ADISSP: variants seen among roughly 807,000 people sequenced by gnomAD.
ADISSP encodes adipose secreted signaling protein.
At chr20:3,765,698 G>A in the ADISSP span, among the ~76,000 whole-genome samples, 3 of 152,156 alleles carry the variant, frequency 2.0e-5, no homozygotes, top group Non-Finnish European at 4.4e-5. Context: ...AGCTCAAGGG[G>A]TGAGGGGGCC....
chr20:3,759,866 G>C, the ADISSP span: 1 of 703,132 alleles, frequency 1.4e-6, no homozygotes, highest in South Asian at 1.7e-5. The surrounding 1 kb of genome is among the most constrained non-coding windows in gnomAD (Gnocchi z 4.6). Flanking sequence ...GGAGTCAGCA[G>C]GGCTCTGCAG....
chr20:3,754,017 G>T, the ADISSP span: 17 of 1,483,254 alleles, frequency 1.1e-5, no homozygotes, highest in Non-Finnish European at 1.6e-5. Flanking sequence ...ACAAGGCGGG[G>T]TTTAAGGCTG....
At chr20:3,760,215 G>T in the ADISSP span, 1 of 845,398 alleles carries the variant, frequency 1.2e-6, no homozygotes, top group Admixed American at 2.0e-5. Context: ...GGAGGGCAGG[G>T]GTCAGGGCCA....
chr20:3,767,029 C>A, the ADISSP span, among the ~76,000 whole-genome samples: 1 of 152,026 alleles, frequency 6.6e-6, no homozygotes, highest in Non-Finnish European at 1.5e-5. Flanking sequence ...GTGTAGGACC[C>A]TTTATCCTCT....
the ADISSP span, among the ~76,000 whole-genome samples, chr20:3,765,434 TTC>T: frequency 6.6e-6 from 1 of 152,202 alleles, no homozygotes; most frequent in African/African-American, 2.4e-5. Context: ...GTTCTTTCAC[TTC>T]TCTGTCCCTG....
the ADISSP span, among the ~76,000 whole-genome samples, chr20:3,760,710 G>C: frequency 2.0e-5 from 3 of 152,160 alleles, no homozygotes; most frequent in African/African-American, 7.2e-5. Context: ...CCTGGTGATC[G>C]GTCAGGGCCA....
chr20:3,753,743 T>C, the ADISSP span: 1 of 429,658 alleles, frequency 2.3e-6, no homozygotes, highest in Non-Finnish European at 4.3e-6. Context: ...TGGGAGTCCC[T>C]GTGGCTTGGG....
the ADISSP span, chr20:3,754,522 G>C: frequency 1.4e-5 from 23 of 1,606,156 alleles, no homozygotes; most frequent in Non-Finnish European, 2.0e-5. Context: ...ACTATAACCT[G>C]CCCGGGGACA....
the ADISSP span, among the ~76,000 whole-genome samples, chr20:3,758,331 G>C: frequency 6.6e-6 from 1 of 152,194 alleles, no homozygotes; most frequent in Non-Finnish European, 1.5e-5. This position sits in a 1 kb window ranked among gnomAD's most constrained non-coding sequence, Gnocchi z 5.5. Context: ...CAGTGGCTCT[G>C]CTCATCTTGA....
the ADISSP span, among the ~76,000 whole-genome samples, chr20:3,755,921 C>T: frequency 6.6e-6 from 1 of 152,180 alleles, no homozygotes; most frequent in Non-Finnish European, 1.5e-5. Context: ...TGGCCAAAGG[C>T]TATGTAGTGT....
chr20:3,758,801 T>C, the ADISSP span: 3 of 905,924 alleles, frequency 3.3e-6, no homozygotes, highest in South Asian at 5.0e-5. The surrounding 1 kb of genome is among the most constrained non-coding windows in gnomAD (Gnocchi z 5.5). Context: ...CTGGGCTCTT[T>C]TCAGGGCTAG....
At chr20:3,754,635 A>G in the ADISSP span, 223 of 1,085,274 alleles carry the variant, frequency 2.1e-4, no homozygotes, top group Non-Finnish European at 3.1e-5. Context: ...AGCCCCCCCA[A>G]GAAAGGGGCA....
At chr20:3,759,975 A>ACG in the ADISSP span, 3 of 74,402 alleles carry the variant, frequency 4.0e-5, no homozygotes, top group Non-Finnish European at 5.3e-5. The surrounding 1 kb of genome is among the most constrained non-coding windows in gnomAD (Gnocchi z 4.6). Flanking sequence ...TCACACATGC[A>ACG]CACACACACA....
At chr20:3,753,998 G>A in the ADISSP span, 1 of 1,310,480 alleles carries the variant, frequency 7.6e-7, no homozygotes, top group South Asian at 1.2e-5. Flanking sequence ...CACGCAGCAT[G>A]TCGGGGGGAC....
At chr20:3,757,010 C>T in the ADISSP span, among the ~76,000 whole-genome samples, 1 of 115,022 alleles carries the variant, frequency 8.7e-6, no homozygotes, top group Non-Finnish European at 1.8e-5. Flanking sequence ...GGATCCATCA[C>T]CATAGTGTTT....
At chr20:3,758,462 C>G in the ADISSP span, 5 of 1,431,150 alleles carry the variant, frequency 3.5e-6, no homozygotes, top group Non-Finnish European at 4.8e-6. The surrounding 1 kb of genome is among the most constrained non-coding windows in gnomAD (Gnocchi z 5.5). Context: ...CTGAGAGGAA[C>G]GGGGATAGGC....
the ADISSP span, among the ~76,000 whole-genome samples, chr20:3,763,557 C>CAAA: frequency 3.2e-4 from 37 of 117,456 alleles, no homozygotes; most frequent in Admixed American, 8.1e-4. Context: ...AACTCCGTCT[C>CAAA]AAAAAAAAAA....
the ADISSP span, among the ~76,000 whole-genome samples, chr20:3,755,904 A>G: frequency 6.6e-6 from 1 of 152,238 alleles, no homozygotes; most frequent in Non-Finnish European, 1.5e-5. Flanking sequence ...GGAAACCACA[A>G]AATGACTGGC....
At chr20:3,760,334 C>G in the ADISSP span, 1 of 524,058 alleles carries the variant, frequency 1.9e-6, no homozygotes, top group Non-Finnish European at 3.4e-6. Context: ...AGCACGGGGG[C>G]TTCTGCCCAC....
Sources: allele counts gnomAD v4.1 joint callset (sites outside exome capture counted in the v4.1 genomes callset), GRCh38; gene constraint gnomAD v4.1.1; non-coding constraint Gnocchi (gnomAD v3.1); transcripts MANE v1.5; gene names NCBI Gene and HGNC (gene_info 2026-07-23, HGNC 2026-07-21).